ITPR1: variants seen among roughly 807,000 people sequenced by gnomAD.
ITPR1 encodes inositol 1,4,5-trisphosphate-gated calcium channel ITPR1.
A neutral mutation model predicts 318.4 loss-of-function variants in ITPR1; 96 were observed. That is an observed-to-expected ratio of 0.30 (90% CI 0.26 to 0.36). The LOEUF is 0.36. Ranked by LOEUF, ITPR1 falls within the 10% of genes least tolerant of loss-of-function variation. ITPR1 has a pLI of 1.00. For synonymous variants in ITPR1, 1,312 were observed against 1,289.9 expected (o/e 1.02, Z -0.37); for missense variants, 2,440 against 3,460.2 (o/e 0.71, Z 7.40).
intron 4 of ITPR1, among the ~76,000 whole-genome samples, chr3:4,597,587 G>T (rs1382470756): frequency 6.6e-6 from 1 of 152,172 alleles, no homozygotes; most frequent in Non-Finnish European, 1.5e-5. Flanking sequence ...GGGCATTTGG[G>T]CTCCTCTGTG....
intron 37 of ITPR1, among the ~76,000 whole-genome samples, chr3:4,709,952 G>A (rs540219114): frequency 1.3e-5 from 2 of 152,270 alleles, no homozygotes; most frequent in South Asian, 2.1e-4. Flanking sequence ...TATTGATGAT[G>A]TTTATAAAAA....
At chr3:4,795,729 C>T (rs996676166) in intron 53 of ITPR1, among the ~76,000 whole-genome samples, 14 of 152,182 alleles carry the variant, frequency 9.2e-5, no homozygotes, top group African/African-American at 3.4e-4. Context: ...AGGTACCTGC[C>T]ATTATTCACA....
chr3:4,732,229 G>C (rs2042975563), intron 42 of ITPR1, among the ~76,000 whole-genome samples: 1 of 152,122 alleles, frequency 6.6e-6, no homozygotes, highest in South Asian at 2.1e-4. Flanking sequence ...TTTGGTTAGA[G>C]TAATAACAAA....
intron 4 of ITPR1, among the ~76,000 whole-genome samples, chr3:4,592,822 G>C (rs2090496510): frequency 2.0e-5 from 3 of 152,124 alleles, no homozygotes; most frequent in Admixed American, 1.3e-4. Flanking sequence ...CTTTGACCAG[G>C]GCTGGGTCAC....
At chr3:4,768,185 C>T (rs909862249) in intron 45 of ITPR1, 13 of 244,654 alleles carry the variant, frequency 5.3e-5, no homozygotes, top group African/African-American at 1.6e-4. Flanking sequence ...ATGTTATTCA[C>T]GGATGCTCTC....
At chr3:4,758,549 C>T (rs778230957) in intron 44 of ITPR1, among the ~76,000 whole-genome samples, 4 of 152,200 alleles carry the variant, frequency 2.6e-5, no homozygotes, top group Non-Finnish European at 5.9e-5. Context: ...CCCTGAACTT[C>T]CTGAATTCTG....
At chr3:4,559,405 A>T (rs956524084) in intron 4 of ITPR1, among the ~76,000 whole-genome samples, 37 of 152,332 alleles carry the variant, frequency 2.4e-4, no homozygotes, top group African/African-American at 7.9e-4. Context: ...AATGGTTAAA[A>T]AGTATAGACA....
chr3:4,777,168 T>C (rs1176367166), intron 47 of ITPR1, 96 bp from the exon 48 acceptor site: 1 of 694,922 alleles, frequency 1.4e-6, no homozygotes, highest in Admixed American at 2.3e-5. Flanking sequence ...CTGGGAGTGG[T>C]AAGCATTGTG....
intron 4 of ITPR1, among the ~76,000 whole-genome samples, chr3:4,537,479 CATCCTAGT>C (rs1315181950): frequency 1.3e-5 from 2 of 152,202 alleles, no homozygotes; most frequent in Non-Finnish European, 2.9e-5. Context: ...TGAATGTCTT[CATCCTAGT>C]ATATGTTACC....
intron 39 of ITPR1, 108 bp from the exon 40 acceptor site, chr3:4,717,259 G>C (rs888140024): frequency 2.1e-6 from 2 of 969,096 alleles, no homozygotes; most frequent in Non-Finnish European, 3.2e-6. Flanking sequence ...ATCTAGCAAG[G>C]CTTTAAGGAG....
At chr3:4,670,178 G>A (rs1310811887) in intron 19 of ITPR1, among the ~76,000 whole-genome samples, 2 of 152,174 alleles carry the variant, frequency 1.3e-5, no homozygotes, top group African/African-American at 4.8e-5. Flanking sequence ...TTATTGGTCT[G>A]CAGAATTTTT....
At chr3:4,643,111 G>A (rs185761162) in intron 7 of ITPR1, among the ~76,000 whole-genome samples, 1 of 152,300 alleles carries the variant, frequency 6.6e-6, no homozygotes, top group Non-Finnish European at 1.5e-5. Flanking sequence ...GAAACATCTA[G>A]TACCAGACCA....
chr3:4,575,894 C>T (rs1286860060), intron 4 of ITPR1, among the ~76,000 whole-genome samples: 1 of 151,920 alleles, frequency 6.6e-6, no homozygotes, highest in Non-Finnish European at 1.5e-5. Context: ...GTGATGCATG[C>T]CTGTAGTCCC....
rs964067278 is a variant in ITPR1, at chr3:4,706,314, C to T, written c.4805C>T (p.Ala1602Val). ...NAARRDSVLA[A>V]SRDYRNIIER... ...GCACGCAGGGACTCTGTTCTGGCAGCTTCCAGAGACTACCGGAATATCATT... is the reference window on the plus strand; with the variant it reads ...GCACGCAGGGACTCTGTTCTGGCAGTTTCCAGAGACTACCGGAATATCATT... Residue 1602 changes from alanine to valine, a missense_variant, in exon 37 of 62, where the codon GCT becomes GTT. By Grantham distance (64) the Ala-to-Val change is moderately conservative (BLOSUM62 0). Transcript: ENST00000649015. 6.2e-7 allele frequency: 1 copy of T among 1,613,530 alleles called. No homozygotes were observed. The highest frequency in any genetic ancestry group is 8.5e-7 in the Non-Finnish European group (1 of 1,179,620).
intron 4 of ITPR1, among the ~76,000 whole-genome samples, chr3:4,524,582 T>C (rs2082830511): frequency 6.6e-6 from 1 of 152,314 alleles, no homozygotes; most frequent in East Asian, 1.9e-4. Context: ...CAGAGCTGCA[T>C]GTAGTCATTT....
chr3:4,727,094 G>A (rs2042571321), intron 41 of ITPR1, 32 bp from the exon 42 acceptor site: 12 of 1,575,094 alleles, frequency 7.6e-6, no homozygotes, highest in African/African-American at 2.7e-5. Context: ...CCTTAGTGTT[G>A]TATTAAAATG....
At chr3:4,767,086 C>T (rs1259399651) in intron 45 of ITPR1, among the ~76,000 whole-genome samples, 1 of 152,232 alleles carries the variant, frequency 6.6e-6, no homozygotes, top group Non-Finnish European at 1.5e-5. Context: ...TATTGGAAAG[C>T]TTATAAAGCT....
At chr3:4,816,487 A>G (rs2049312247) in intron 59 of ITPR1, among the ~76,000 whole-genome samples, 1 of 152,182 alleles carries the variant, frequency 6.6e-6, no homozygotes, top group South Asian at 2.1e-4. Flanking sequence ...CCAGGGTTCA[A>G]GCAATTCTCG....
chr3:4,670,625 C>G lies in ITPR1; in HGVS notation c.2007-104C>G, dbSNP rs368285332. On this transcript the variant is annotated intron_variant, in intron 19 of 61. Transcript: ENST00000649015. ...TGCGGCTCTGCCCTTGGGGGAAATACAAAACAAAAAGTGTCTTTCCATGTG... is the reference window on the plus strand; with the variant it reads ...TGCGGCTCTGCCCTTGGGGGAAATAGAAAACAAAAAGTGTCTTTCCATGTG... 3.5e-5 allele frequency: 30 copies of G among 861,462 alleles called. No individual in the cohort carries two copies. The African/African-American group carries it at 3.7e-4, about 11-fold the overall frequency. The allele number at this position is 861,462 out of a possible 1,614,324, so 53.4% of individuals were successfully genotyped here. A position where few individuals can be genotyped will look rare whatever the true frequency, so the allele number is the denominator to read the frequency against.
Sources: gnomAD v4.1 joint callset for allele counts (sites outside exome capture counted in the v4.1 genomes callset) on GRCh38, gnomAD v4.1.1 for gene constraint, MANE v1.5 for transcripts, NCBI Gene and HGNC (gene_info 2026-07-23, HGNC 2026-07-21) for gene names.